The following CLCN1 variants were observed in gnomAD, a reference collection of about 807,000 sequenced individuals.
CLCN1 encodes the protein chloride voltage-gated channel 1.
CLCN1 carries 100 observed loss-of-function variants against 114.5 expected under a neutral mutation model. The observed-to-expected ratio is 0.87, with a 90% CI of 0.74 to 1.03. The LOEUF (loss-of-function observed/expected upper bound fraction) is 1.03, where lower values mean the gene tolerates loss of function less well. Among genes scored for constraint, CLCN1 ranks in the 50% least tolerant of loss-of-function variants. The pLI is 0.00. For missense variants in CLCN1, 1,188 were observed against 1,250.0 expected, an observed-to-expected ratio of 0.95 and a Z score of 0.75; for synonymous variants, 485 against 487.1, an observed-to-expected ratio of 1.00 and a Z score of 0.06.
intron 2 of CLCN1, among the ~76,000 whole-genome samples, chr7:143,320,438 G>T (rs1802393874): frequency 6.6e-6 from 1 of 152,052 alleles, no homozygotes; most frequent in South Asian, 2.1e-4. Context: ...GCAGCAATCA[G>T]CAGAGGGGTA....
Position 143,320,898 on chromosome 7 carries a change from G to T in CLCN1, c.433+103G>T. 2.1e-6 allele frequency: 3 copies of T among 1,397,068 alleles called. No individual in the cohort carries two copies. In the Admixed American group the frequency reaches 5.1e-5, roughly 24 times the overall value. 86.5% of individuals were successfully genotyped at this position (1,397,068 alleles called of 1,614,324 possible). A position where few individuals can be genotyped will look rare whatever the true frequency, so the allele number is the denominator to read the frequency against. The stretch of plus-strand genomic sequence containing the variant: ...CGAATGTTAAGCAGGGTGTGTTATG[G>T]GAAGCGAATATTGCGCAGAGAGGGA... On this transcript the variant is annotated intron_variant, in intron 3 of 22. Transcript: ENST00000343257.
At position 143,339,443 on chromosome 7, in the gene CLCN1, G is replaced by C; in HGVS notation, c.1472-68G>C. ...TGTTCTTAATGCCCAAGGAGAGATT[G>C]GTTCTGAAAACTGAGAGCAAGGAAC... On this transcript the variant is annotated intron_variant, in intron 13 of 22. Transcript: ENST00000343257. The surrounding 1 kb of genome is among the most constrained non-coding windows in gnomAD (Gnocchi z 4.1). 1 of 1,402,268 alleles carries C rather than the reference G, an allele frequency of 7.1e-7. No individual in the cohort carries two copies. The allele number at this position is 1,402,268 out of a possible 1,614,324, so 86.9% of individuals were successfully genotyped here.
intron 14 of CLCN1, among the ~76,000 whole-genome samples, chr7:143,340,951 G>A (rs757999967): frequency 5.1e-4 from 78 of 152,156 alleles, no homozygotes; most frequent in Non-Finnish European, 6.6e-4. Context: ...GGTTAGTGGA[G>A]AAACAACCAA....
intron 12 of CLCN1, among the ~76,000 whole-genome samples, chr7:143,333,691 A>G (rs1044173009): frequency 6.6e-6 from 1 of 152,216 alleles, no homozygotes; most frequent in African/African-American, 2.4e-5. Context: ...GTGACTACAC[A>G]TAATTTTTAT....
chr7:143,325,812 A>C (rs1434006582), intron 7 of CLCN1, among the ~76,000 whole-genome samples: 6 of 152,178 alleles, frequency 3.9e-5, no homozygotes, highest in South Asian at 2.1e-4. Context: ...AGTATGGGAG[A>C]GGTAAAGATC....
At position 143,321,574 on chromosome 7, in the gene CLCN1, C is replaced by T; in HGVS notation, c.562+81C>T. 6.2e-7 allele frequency: 1 copy of T among 1,609,268 alleles called. No homozygotes were observed. The highest frequency in any genetic ancestry group is 1.3e-5 in the African/African-American group (1 of 74,944). On this transcript the variant is annotated intron_variant, in intron 4 of 22. Coordinates refer to ENST00000343257, the MANE Select transcript of CLCN1 (RefSeq NM_000083.3). This position sits in a 1 kb window ranked among gnomAD's most constrained non-coding sequence, Gnocchi z 4.2. ...CTGTCTCCCCCATCATCCAGCCCCACCCACAGCCCTGTGCTGCCTTGCCCC... is the reference window on the plus strand; with the variant it reads ...CTGTCTCCCCCATCATCCAGCCCCATCCACAGCCCTGTGCTGCCTTGCCCC...
At chr7:143,338,839 A>T (rs932579683) in intron 12 of CLCN1, among the ~76,000 whole-genome samples, 5 of 151,740 alleles carry the variant, frequency 3.3e-5, no homozygotes, top group African/African-American at 1.2e-4. Flanking sequence ...GCCTTTTCAG[A>T]AATATAACCT....
rs1481576001 is a variant in CLCN1, at chr7:143,346,596, T to C, written c.2302T>C (p.Phe768Leu). Residue 768 changes from phenylalanine (F) to leucine (L), a missense_variant, in exon 19 of 23, where the codon TTC (phenylalanine) becomes CTC (leucine). Phe to Leu is a conservative substitution (Grantham distance 22). Transcript: ENST00000343257. ...CCTCTCAGGTCAAAGACCCTCCATC[T>C]TCCAGTCCCTGCTTCACTGCTTGCT... is the stretch of plus-strand genomic sequence containing the variant. ...PEPAGQRPSI[F>L]QSLLHCLLGR... 2 of 1,612,570 alleles carry C rather than the reference T, an allele frequency of 1.2e-6. No individual in the cohort carries two copies. The highest frequency in any genetic ancestry group is 1.1e-5 in the South Asian group (1 of 91,018).
chr7:143,319,869 TG>T lies in CLCN1; in HGVS notation c.296del (p.Cys99PhefsTer12). On this transcript the variant is annotated frameshift_variant, in exon 2 of 23. Transcript: ENST00000343257. LOFTEE classifies it high-confidence loss of function. The stretch of plus-strand genomic sequence containing the variant: ...CAAGGATGAGGATCACTATTCTAAA[TG>T]TCAAGGTGATGGGGACTGAGGAATA... ...DSKDEDHYSK[C>X]QDCIHRLGQV... 1 of 1,613,828 alleles carries T rather than the reference TG, an allele frequency of 6.2e-7. No homozygotes were observed. The highest frequency in any genetic ancestry group is 8.5e-7 in the Non-Finnish European group (1 of 1,179,762).
intron 12 of CLCN1, 73 bp downstream of exon 12, chr7:143,332,946 G>A (rs1023202729): frequency 1.2e-5 from 18 of 1,469,676 alleles, no homozygotes; most frequent in African/African-American, 2.8e-5. Flanking sequence ...GTTTGCATAG[G>A]GTAGGAAGGG....
chr7:143,349,542 C>T (rs1435202424), intron 20 of CLCN1, among the ~76,000 whole-genome samples: 1 of 152,212 alleles, frequency 6.6e-6, no homozygotes, highest in East Asian at 1.9e-4. Flanking sequence ...ATTATTTGGA[C>T]TCTTGGGAAT....
At chr7:143,330,328 G>C (rs1020207834) in intron 7 of CLCN1, among the ~76,000 whole-genome samples, 4 of 152,136 alleles carry the variant, frequency 2.6e-5, no homozygotes, top group Non-Finnish European at 5.9e-5. Flanking sequence ...GTTAAGGAGA[G>C]TCCCTGTAAA....
Position 143,321,696 on chromosome 7 carries a change from A to G in CLCN1, c.563-19A>G, listed in dbSNP as rs765064204. 18 of 1,614,030 alleles carry G rather than the reference A, an allele frequency of 1.1e-5. No individual in the cohort carries two copies. Among genetic ancestry groups the G allele is most frequent in the Admixed American group, 1.0e-4 (6 of 59,996 alleles). ...TCACCTTCACCTTGACCCTGCACAT[A>G]ATCTTTCAACGCTTTTAGGCTCTGG... On this transcript the variant is annotated intron_variant, in intron 4 of 22. Coordinates refer to ENST00000343257, the MANE Select transcript of CLCN1 (RefSeq NM_000083.3). This position sits in a 1 kb window ranked among gnomAD's most constrained non-coding sequence, Gnocchi z 4.2.
intron 5 of CLCN1, among the ~76,000 whole-genome samples, chr7:143,322,642 C>A (rs966603813): frequency 3.3e-5 from 5 of 152,222 alleles, no homozygotes; most frequent in African/African-American, 1.2e-4. Context: ...CCCACCTCAG[C>A]TTCCCGAGTA....
chr7:143,350,753 C>T lies in CLCN1; in HGVS notation c.2595+99C>T. On this transcript the variant is annotated intron_variant, in intron 22 of 22. Transcript: ENST00000343257. The surrounding 1 kb of genome is among the most constrained non-coding windows in gnomAD (Gnocchi z 5.1). Reference sequence around the variant, plus strand: ...AAGGAATATTAGCATCTCAGAAGTCCCCTCAGATTCCCTTCTCTATTTCTT... The same window carrying T: ...AAGGAATATTAGCATCTCAGAAGTCTCCTCAGATTCCCTTCTCTATTTCTT... 1 of 809,942 alleles carries T rather than the reference C, an allele frequency of 1.2e-6. No homozygotes were observed. The highest frequency in any genetic ancestry group is 2.1e-6 in the Non-Finnish European group (1 of 482,926). 50.2% of individuals were successfully genotyped at this position (809,942 alleles called of 1,614,324 possible). A position where few individuals can be genotyped will look rare whatever the true frequency, so the allele number is the denominator to read the frequency against.
chr7:143,341,902 T>C (rs1464291021), intron 14 of CLCN1, 27 bp from the exon 15 acceptor site: 2 of 1,584,232 alleles, frequency 1.3e-6, no homozygotes, highest in Admixed American at 1.7e-5. Context: ...AGCCCTAACC[T>C]ACAGGCGTAT....
In CLCN1 at chr7:143,321,427, A is replaced by T. The variant is rs1418010822; in HGVS notation, c.496A>T (p.Thr166Ser). 7.4e-6 allele frequency: 12 copies of T among 1,614,090 alleles called. No individual in the cohort carries two copies. Among genetic ancestry groups the T allele is most frequent in the Non-Finnish European group, 1.0e-5 (12 of 1,180,008 alleles). Residue 166 changes from threonine (T) to serine (S), a missense_variant, in exon 4 of 23, where the codon ACC becomes TCC. Transcript: ENST00000343257. The surrounding 1 kb of genome is among the most constrained non-coding windows in gnomAD (Gnocchi z 4.2). The stretch of plus-strand genomic sequence containing the variant: ...TCCTCTGCAGTTCCTGGTCTGGGTC[A>T]CCTTCCCACTAGTCCTCATCCTCTT... ...SLPLQFLVWV[T>S]FPLVLILFSA...
intron 12 of CLCN1, among the ~76,000 whole-genome samples, chr7:143,337,843 T>C (rs11763950): frequency 0.26 from 25,383 of 96,766 alleles, 4,910 homozygotes; most frequent in African/African-American, 0.48. Flanking sequence ...TTTTTTTTTT[T>C]TGCGACAGAG....
intron 2 of CLCN1, 34 bp from the exon 3 acceptor site, chr7:143,320,630 T>C (rs763540262): frequency 3.8e-6 from 6 of 1,589,050 alleles, no homozygotes; most frequent in African/African-American, 1.3e-5. Flanking sequence ...TGTTTGTTGT[T>C]TGTTTGTTTG....
Sources: gnomAD v4.1 joint callset for allele counts (sites outside exome capture counted in the v4.1 genomes callset) on GRCh38, gnomAD v4.1.1 for gene constraint, Gnocchi (gnomAD v3.1) non-coding constraint, MANE v1.5 for transcripts, NCBI Gene and HGNC (gene_info 2026-07-23, HGNC 2026-07-21) for gene names.